CLVS1: variants seen among roughly 807,000 people sequenced by gnomAD.
CLVS1 encodes the protein clavesin-1.
CLVS1 carries 10 observed loss-of-function variants against 33.1 expected under a neutral mutation model. That is an observed-to-expected ratio of 0.30 (90% CI 0.19 to 0.51). The LOEUF is 0.51. Ranked by LOEUF, CLVS1 falls within the 20% of genes least tolerant of loss-of-function variation. The pLI, the probability that CLVS1 is intolerant of heterozygous loss-of-function variation, is 0.97. For missense variants in CLVS1, 343 were observed against 433.4 expected (o/e 0.79, Z 1.85); for synonymous variants, 163 against 166.1 (o/e 0.98, Z 0.14).
At chr8:61,492,763 G>A (rs1019465166) in intron 5 of CLVS1, among the ~76,000 whole-genome samples, 10 of 152,048 alleles carry the variant, frequency 6.6e-5, no homozygotes, top group African/African-American at 2.2e-4. Flanking sequence ...GCAGAGAGAG[G>A]TTTACTTATT....
intron 1 of CLVS1, among the ~76,000 whole-genome samples, chr8:61,128,192 C>A (rs1806014729): frequency 6.6e-6 from 1 of 152,204 alleles, no homozygotes; most frequent in Non-Finnish European, 1.5e-5. Flanking sequence ...ATTTTCCAGT[C>A]ATGATACCAA....
intron 3 of CLVS1, among the ~76,000 whole-genome samples, chr8:61,379,729 C>T (rs1238448009): frequency 6.6e-6 from 1 of 152,156 alleles, no homozygotes; most frequent in Non-Finnish European, 1.5e-5. Flanking sequence ...TGGGTCCACA[C>T]CTGTTGGGGA....
intron 1 of CLVS1, among the ~76,000 whole-genome samples, chr8:61,067,212 T>C (rs1400133144): frequency 1.3e-5 from 2 of 151,552 alleles, no homozygotes; most frequent in African/African-American, 4.8e-5. Context: ...TTGAATATCT[T>C]TTTGTATTAA....
chr8:61,269,805 T>C (rs1214668157), intron 2 of CLVS1, among the ~76,000 whole-genome samples: 2 of 150,820 alleles, frequency 1.3e-5, no homozygotes, highest in Non-Finnish European at 3.0e-5. Context: ...CACTCATGAT[T>C]TGGCTCTCTG....
At chr8:61,498,929 G>C (rs1430002126) in intron 5 of CLVS1, among the ~76,000 whole-genome samples, 1 of 152,082 alleles carries the variant, frequency 6.6e-6, no homozygotes, top group Non-Finnish European at 1.5e-5. Flanking sequence ...AGGTTTAAAA[G>C]GTACACTAAA....
intron 2 of CLVS1, among the ~76,000 whole-genome samples, chr8:61,331,000 TG>T (rs1195787922): frequency 6.6e-6 from 1 of 151,968 alleles, no homozygotes; most frequent in Non-Finnish European, 1.5e-5. Flanking sequence ...GAGGATCACT[TG>T]GGCCCAGGAG....
intron 3 of CLVS1, among the ~76,000 whole-genome samples, chr8:61,391,727 CT>C (rs1364333105): frequency 6.6e-6 from 1 of 152,048 alleles, no homozygotes; most frequent in Non-Finnish European, 1.5e-5. Context: ...TTATGAATGA[CT>C]TTTTTCACTA....
At chr8:61,029,577 G>A in the CLVS1 span, among the ~76,000 whole-genome samples, 10 of 149,300 alleles carry the variant, frequency 6.7e-5, no homozygotes, top group South Asian at 1.9e-3. Context: ...CTTTCCACCT[G>A]AGAAACAAAT....
chr8:61,187,281 C>T (rs1807361177), intron 2 of CLVS1, among the ~76,000 whole-genome samples: 1 of 151,990 alleles, frequency 6.6e-6, no homozygotes, highest in Non-Finnish European at 1.5e-5. Context: ...GCTAGATATC[C>T]CATATTTATT....
the CLVS1 span, among the ~76,000 whole-genome samples, chr8:61,027,997 GT>G: frequency 0.013 from 1,917 of 152,304 alleles, 37 homozygotes; most frequent in African/African-American, 0.041. Flanking sequence ...AGATCCCGAT[GT>G]TTTTCCTATC....
chr8:61,198,366 T>C (rs746088511), intron 2 of CLVS1, among the ~76,000 whole-genome samples: 80 of 152,170 alleles, frequency 5.3e-4, no homozygotes, highest in Non-Finnish European at 3.7e-4. Flanking sequence ...ATAGTATACA[T>C]TGTACCCAAT....
chr8:61,131,870 T>C (rs373971798), intron 2 of CLVS1: 9 of 152,230 alleles, frequency 5.9e-5, no homozygotes, highest in African/African-American at 2.2e-4. Flanking sequence ...GGTGAGTAAA[T>C]ATGACCTGGT....
chr8:60,996,259 C>A, the CLVS1 span, among the ~76,000 whole-genome samples: 1 of 152,204 alleles, frequency 6.6e-6, no homozygotes, highest in Non-Finnish European at 1.5e-5. Flanking sequence ...ATTATGACAT[C>A]ATCTCTTTTG....
At chr8:61,026,902 C>T in the CLVS1 span, among the ~76,000 whole-genome samples, 1 of 152,108 alleles carries the variant, frequency 6.6e-6, no homozygotes, top group Non-Finnish European at 1.5e-5. Flanking sequence ...CAGGTGAGAG[C>T]TTTCTGCTTG....
chr8:60,967,517 C>T, the CLVS1 span: 1 of 385,248 alleles, frequency 2.6e-6, no homozygotes, highest in East Asian at 8.0e-5. Context: ...TAGCCAGACC[C>T]CAGCAGAAGG....
intron 2 of CLVS1, among the ~76,000 whole-genome samples, chr8:61,235,765 C>A (rs974330202): frequency 6.6e-5 from 10 of 152,180 alleles, no homozygotes; most frequent in Non-Finnish European, 8.8e-5. Context: ...CCTTGTTCCC[C>A]AGCACACCCT....
chr8:61,454,332 C>T, intron 4 of CLVS1, 81 bp downstream of exon 4: 1 of 999,086 alleles, frequency 1.0e-6, no homozygotes, highest in Non-Finnish European at 1.6e-6. Context: ...TCTCTCCTTT[C>T]CCCCCTTTTT....
At chr8:61,453,629 C>G (rs975279175) in intron 3 of CLVS1, among the ~76,000 whole-genome samples, 1 of 152,158 alleles carries the variant, frequency 6.6e-6, no homozygotes, top group Non-Finnish European at 1.5e-5. Flanking sequence ...AGAGCTCCAT[C>G]TCCTAAGAGC....
At chr8:61,314,674 G>A (rs1222882253) in intron 2 of CLVS1, among the ~76,000 whole-genome samples, 1 of 152,174 alleles carries the variant, frequency 6.6e-6, no homozygotes, top group African/African-American at 2.4e-5. Flanking sequence ...CAACCATCCT[G>A]ATGAAGATTC....
Sources: allele counts gnomAD v4.1 joint callset (sites outside exome capture counted in the v4.1 genomes callset), GRCh38; gene constraint gnomAD v4.1.1; transcripts MANE v1.5; gene names NCBI Gene and HGNC (gene_info 2026-07-23, HGNC 2026-07-21).